Variants in MMAA observed in about 807,000 individuals in gnomAD.
The protein encoded by MMAA is metabolism of cobalamin associated A, also known as methylmalonic aciduria type A protein, mitochondrial.
Under a neutral mutation model 45.0 loss-of-function variants are expected in MMAA, and 41 were observed. The observed-to-expected ratio is 0.91, with a 90% CI of 0.71 to 1.18. MMAA has a LOEUF of 1.18. Ranked by LOEUF, MMAA falls within the 50% of genes most tolerant of loss-of-function variation. The pLI, the probability that MMAA is intolerant of heterozygous loss-of-function variation, is 0.00. For missense variants in MMAA, 460 were observed against 495.7 expected (o/e 0.93, Z 0.68); for synonymous variants, 154 against 178.2 (o/e 0.86, Z 1.08).
At chr4:145,636,166 TTTTTTC>T (rs775237862) in intron 1 of MMAA, among the ~76,000 whole-genome samples, 7 of 152,206 alleles carry the variant, frequency 4.6e-5, no homozygotes, top group Non-Finnish European at 8.8e-5. Flanking sequence ...CAGCAGCTCT[TTTTTTC>T]TTTTTATTTA....
intron 1 of MMAA, among the ~76,000 whole-genome samples, chr4:145,629,093 TTGATA>T (rs1314294462): frequency 2.0e-5 from 3 of 152,356 alleles, no homozygotes; most frequent in African/African-American, 2.4e-5. Flanking sequence ...TTCCATTCCG[TTGATA>T]TGATATATCA....
chr4:145,655,253 G>A lies in MMAA; in HGVS notation c.1076G>A (p.Arg359Gln), dbSNP rs864309731. 3 of 1,614,008 alleles carry A rather than the reference G, an allele frequency of 1.9e-6. No individual in the cohort carries two copies. Among genetic ancestry groups the A allele is most frequent in the African/African-American group, 2.7e-5 (2 of 74,890 alleles). ...MLASGELTAKRRKQQKVWMWN... is the reference protein window; with the variant it reads ...MLASGELTAKQRKQQKVWMWN... The stretch of plus-strand genomic sequence containing the variant: ...GCCAGTGGGGAGCTGACTGCCAAAC[G>A]ACGGAAGCAACAGAAAGTTTGGATG... The change falls in exon 7 of 7, where the codon CGA (arginine) becomes CAA (glutamine). Residue 359 changes from arginine to glutamine, a missense_variant. Coordinates refer to ENST00000649156, the MANE Select transcript of MMAA (RefSeq NM_172250.3).
chr4:145,651,350 T>C (rs1219903127), intron 5 of MMAA, among the ~76,000 whole-genome samples: 1 of 152,194 alleles, frequency 6.6e-6, no homozygotes, highest in Non-Finnish European at 1.5e-5. Context: ...TCCTTGAGAA[T>C]GTAAAATTAT....
intron 1 of MMAA, among the ~76,000 whole-genome samples, chr4:145,630,206 T>A (rs1734304572): frequency 6.6e-6 from 1 of 152,164 alleles, no homozygotes; most frequent in Non-Finnish European, 1.5e-5. Context: ...AGGTTTTGGA[T>A]TTCTTCATTG....
intron 1 of MMAA, among the ~76,000 whole-genome samples, chr4:145,629,120 T>A (rs974714825): frequency 1.3e-5 from 2 of 152,146 alleles, no homozygotes; most frequent in African/African-American, 4.8e-5. Flanking sequence ...ATTGATTGAT[T>A]TGTATATATA....
At chr4:145,651,337 G>A (rs539970676) in intron 5 of MMAA, among the ~76,000 whole-genome samples, 190 bp downstream of exon 5, 153 of 152,304 alleles carry the variant, frequency 1.0e-3, no homozygotes, top group African/African-American at 3.6e-3. Context: ...AATAGAATAT[G>A]TGTCCTTGAG....
In MMAA at chr4:145,623,858, C is replaced by A. The variant is rs150036464; in HGVS notation, c.-66+4451C>A. Among the ~76,000 whole-genome samples the A allele has an allele frequency of 2.2e-4, 34 of 152,232 alleles. No individual in the cohort carries two copies. In the East Asian group the frequency reaches 3.9e-3, roughly 17 times the overall value. On this transcript the variant is annotated intron_variant, in intron 1 of 6. Transcript: ENST00000649156. ...TTTAGTAACGACCTGATCTAAGGAG[C>A]CTTGGAGGCTTGTGAAAAAGACATA...
intron 1 of MMAA, among the ~76,000 whole-genome samples, chr4:145,622,850 A>C (rs1336432228): frequency 6.6e-6 from 1 of 152,192 alleles, no homozygotes; most frequent in Non-Finnish European, 1.5e-5. Flanking sequence ...GGAATTAAAA[A>C]ATAATACAAA....
intron 4 of MMAA, among the ~76,000 whole-genome samples, chr4:145,647,624 C>G (rs1301174890): frequency 1.3e-5 from 2 of 152,128 alleles, no homozygotes; most frequent in African/African-American, 4.8e-5. Context: ...GACCCCGGAC[C>G]TTTGTCTTGT....
At chr4:145,640,121 T>G (rs187068763) in intron 2 of MMAA, among the ~76,000 whole-genome samples, 1 of 152,204 alleles carries the variant, frequency 6.6e-6, no homozygotes, top group Admixed American at 6.5e-5. Context: ...TTGTACTTTA[T>G]TTTTTGAGAC....
intron 5 of MMAA, among the ~76,000 whole-genome samples, chr4:145,653,170 GC>G (rs1300158408): frequency 6.6e-6 from 1 of 152,082 alleles, no homozygotes; most frequent in Non-Finnish European, 1.5e-5. Flanking sequence ...ACCACACCTA[GC>G]CCAGACAAAT....
chr4:145,626,658 A>G (rs1375457838), intron 1 of MMAA, among the ~76,000 whole-genome samples: 3 of 152,204 alleles, frequency 2.0e-5, no homozygotes, highest in East Asian at 1.9e-4. Context: ...TGTGAAATCC[A>G]TAGTTTTTTC....
intron 4 of MMAA, among the ~76,000 whole-genome samples, chr4:145,647,240 G>A: frequency 6.6e-6 from 1 of 152,176 alleles, no homozygotes; most frequent in Non-Finnish European, 1.5e-5. Flanking sequence ...GGGAATTGCA[G>A]ATAATAGAGA....
chr4:145,646,301 G>T, intron 4 of MMAA, 145 bp downstream of exon 4: 1 of 890,642 alleles, frequency 1.1e-6, no homozygotes, highest in Non-Finnish European at 1.7e-6. Context: ...TAGAAGATAT[G>T]AATGTATAGG....
intron 5 of MMAA, among the ~76,000 whole-genome samples, chr4:145,653,519 G>C (rs1188655130): frequency 6.6e-6 from 1 of 152,106 alleles, no homozygotes; most frequent in Non-Finnish European, 1.5e-5. Flanking sequence ...TAGGCATCAG[G>C]TTCTTTTTCC....
intron 1 of MMAA, among the ~76,000 whole-genome samples, chr4:145,627,449 A>G (rs1040906498): frequency 1.3e-5 from 2 of 152,138 alleles, no homozygotes; most frequent in Admixed American, 1.3e-4. Context: ...TAGATGGAGT[A>G]TATATTCATG....
chr4:145,625,239 GT>G (rs1734177201), intron 1 of MMAA: 15 of 1,067,518 alleles, frequency 1.4e-5, no homozygotes, highest in South Asian at 1.2e-4. Flanking sequence ...GGAACTTCCT[GT>G]TGCTGACTCT....
intron 1 of MMAA, among the ~76,000 whole-genome samples, chr4:145,635,866 C>T (rs1727594027): frequency 1.3e-5 from 2 of 152,218 alleles, no homozygotes; most frequent in Non-Finnish European, 2.9e-5. Context: ...TTACTAATAT[C>T]TACTTCCCTT....
chr4:145,637,172 T>C (rs756182347), intron 1 of MMAA, among the ~76,000 whole-genome samples: 10 of 152,116 alleles, frequency 6.6e-5, no homozygotes, highest in Non-Finnish European at 1.3e-4. Flanking sequence ...TCTTAGAAAA[T>C]AGTGGTTGAA....
Sources: gnomAD v4.1 joint callset for allele counts (sites outside exome capture counted in the v4.1 genomes callset) on GRCh38, gnomAD v4.1.1 for gene constraint, MANE v1.5 for transcripts, NCBI Gene and HGNC (gene_info 2026-07-23, HGNC 2026-07-21) for gene names.